The following CHD6 variants were observed in gnomAD, a reference collection of about 807,000 sequenced individuals.
CHD6 encodes chromodomain helicase DNA binding protein 6.
A neutral mutation model predicts 276.9 loss-of-function variants in CHD6; 50 were observed. The observed-to-expected ratio is 0.18, with a 90% CI of 0.14 to 0.23. The LOEUF (loss-of-function observed/expected upper bound fraction) is 0.23, where lower values mean the gene tolerates loss of function less well. CHD6 is among the 10% of genes least tolerant of loss of function. The pLI is 1.00. For synonymous variants in CHD6, 1,173 were observed against 1,229.3 expected (o/e 0.95, Z 0.96); for missense variants, 2,564 against 3,365.8 (o/e 0.76, Z 5.89).
At chr20:41,589,896 C>A (rs1039319539) in intron 1 of CHD6, among the ~76,000 whole-genome samples, 1 of 152,126 alleles carries the variant, frequency 6.6e-6, no homozygotes, top group African/African-American at 2.4e-5. Context: ...AAAAAGAGTC[C>A]GCATTGCCAA....
At chr20:41,582,021 C>T (rs2045545845) in intron 1 of CHD6, among the ~76,000 whole-genome samples, 1 of 152,160 alleles carries the variant, frequency 6.6e-6, no homozygotes, top group African/African-American at 2.4e-5. Flanking sequence ...TTTTAAGATA[C>T]ATCACAGTTG....
chr20:41,418,834 C>T (rs1050856990), intron 31 of CHD6, among the ~76,000 whole-genome samples: 1 of 152,194 alleles, frequency 6.6e-6, no homozygotes, highest in Non-Finnish European at 1.5e-5. Flanking sequence ...CTCCCACCCA[C>T]GCGTGCACAT....
chr20:41,512,829 T>G lies in CHD6; in HGVS notation c.852+17A>C, dbSNP rs765340760. 2 of 1,613,656 alleles carry G rather than the reference T, an allele frequency of 1.2e-6. No homozygotes were observed. Among genetic ancestry groups the G allele is most frequent in the African/African-American group, 2.7e-5 (2 of 74,898 alleles). Reference sequence around the variant, plus strand: ...GACTGTCCAGCCAAGGTCAGTAACCTCATGCAAAGGCCATACCTCCGCCTG... The same window carrying G: ...GACTGTCCAGCCAAGGTCAGTAACCGCATGCAAAGGCCATACCTCCGCCTG... On this transcript the variant is annotated intron_variant, in intron 5 of 36. Coordinates refer to ENST00000373233, the MANE Select transcript of CHD6 (RefSeq NM_032221.5).
chr20:41,523,729 A>G (rs190998886), intron 3 of CHD6, among the ~76,000 whole-genome samples: 1 of 151,970 alleles, frequency 6.6e-6, no homozygotes, highest in African/African-American at 2.4e-5. Context: ...CTCTTCAAGC[A>G]TATCTCCAGT....
intron 1 of CHD6, among the ~76,000 whole-genome samples, chr20:41,609,333 G>A (rs944719988): frequency 6.6e-6 from 1 of 152,152 alleles, no homozygotes; most frequent in Admixed American, 6.5e-5. Context: ...GACATCCTTA[G>A]AAGAAAGTCA....
intron 2 of CHD6, among the ~76,000 whole-genome samples, chr20:41,540,589 G>A (rs1356719421): frequency 1.3e-5 from 2 of 152,194 alleles, no homozygotes; most frequent in Non-Finnish European, 2.9e-5. Context: ...TTTGACTGAG[G>A]TGCAGGACAA....
chr20:41,555,227 G>A lies in CHD6; in HGVS notation c.-23-3867C>T, dbSNP rs1443633842. Among the ~76,000 whole-genome samples the A allele has an allele frequency of 1.5e-4, 20 of 134,392 alleles. 1 individual carries two copies. The East Asian group carries it at 5.9e-3, about 40-fold the overall frequency. The allele number at this position is 134,392 out of a possible 152,430, so 88.2% of individuals were successfully genotyped here. On this transcript the variant is annotated intron_variant, in intron 1 of 36. Transcript: ENST00000373233. ...CCTCCCGGATGGGGCGGCTGGCCGG[G>A]TGGGGGGCTGACCCCCCCACCTCCC...
intron 23 of CHD6, 139 bp downstream of exon 23, chr20:41,450,807 C>A: frequency 1.3e-6 from 1 of 781,610 alleles, no homozygotes; most frequent in South Asian, 1.8e-5. Flanking sequence ...CAGCTTAGAC[C>A]ACAGATAACA....
At chr20:41,437,121 CTG>C in intron 27 of CHD6, 151 bp downstream of exon 27, 1 of 574,024 alleles carries the variant, frequency 1.7e-6, no homozygotes, top group Non-Finnish European at 3.1e-6. Context: ...CAATTGCAGT[CTG>C]TGTATTTTAA....
At chr20:41,509,311 T>C (rs1316715362) in intron 5 of CHD6, among the ~76,000 whole-genome samples, 3 of 152,178 alleles carry the variant, frequency 2.0e-5, no homozygotes, top group Non-Finnish European at 2.9e-5. Flanking sequence ...TTTTAGTTTA[T>C]TGAAACTCTC....
chr20:41,612,313 G>T (rs1024471764), intron 1 of CHD6, among the ~76,000 whole-genome samples: 12 of 152,126 alleles, frequency 7.9e-5, no homozygotes, highest in African/African-American at 2.9e-4. Flanking sequence ...TCTGGAGCTG[G>T]TCATTAATGA....
rs946501731 is a variant in CHD6, at chr20:41,425,298, T to G, written c.4226A>C (p.Asn1409Thr). 5.0e-6 allele frequency: 8 copies of G among 1,614,180 alleles called. No individual in the cohort carries two copies. Among genetic ancestry groups the G allele is most frequent in the Non-Finnish European group, 6.8e-6 (8 of 1,180,044 alleles). Reference sequence around the variant, plus strand: ...TTCAGGCCGGCACAGTTCCTTGCGGTTGCAGCGCTGGTAAACAGTGACCAG... The same window carrying G: ...TTCAGGCCGGCACAGTTCCTTGCGGGTGCAGCGCTGGTAAACAGTGACCAG... ...RRLVTVYQRCNRKELCRPEIL... is the reference protein window; with the variant it reads ...RRLVTVYQRCTRKELCRPEIL... The change falls in exon 29 of 37, where the codon AAC becomes ACC. Residue 1409 changes from asparagine to threonine, a missense_variant. Around this residue, in one of 7 missense-constraint regions of CHD6, gnomAD observed 515 missense variants for 739.5 expected, o/e 0.70. Coordinates refer to ENST00000373233, the MANE Select transcript of CHD6 (RefSeq NM_032221.5).
intron 8 of CHD6, among the ~76,000 whole-genome samples, chr20:41,494,228 CT>C (rs1329682294): frequency 2.6e-5 from 4 of 152,156 alleles, no homozygotes; most frequent in African/African-American, 9.7e-5. Context: ...GAAGGGTTCC[CT>C]TTTCCTTACT....
intron 17 of CHD6, among the ~76,000 whole-genome samples, chr20:41,470,573 T>A (rs2043030810): frequency 6.6e-6 from 1 of 152,188 alleles, no homozygotes. Flanking sequence ...CAATTTCAGT[T>A]TGGACTTCAC....
chr20:41,555,053 G>T (rs1433067977), intron 1 of CHD6, among the ~76,000 whole-genome samples: 10 of 143,556 alleles, frequency 7.0e-5, no homozygotes, highest in East Asian at 2.1e-4. Flanking sequence ...CTGGCCGGGT[G>T]GGGGGCTGAT....
Position 41,405,177 on chromosome 20 carries a change from G to T in CHD6, c.7564C>A (p.Leu2522Met), listed in dbSNP as rs771243102. 1 of 1,614,226 alleles carries T rather than the reference G, an allele frequency of 6.2e-7. No homozygotes were observed. The highest frequency in any genetic ancestry group is 8.5e-7 in the Non-Finnish European group (1 of 1,180,040). The change falls in exon 37 of 37, where the codon CTG becomes ATG. Residue 2522 changes from leucine (L) to methionine (M), a missense_variant. By Grantham distance (15) the Leu-to-Met change is conservative. Transcript: ENST00000373233. ...KSTLSMLPMM[L>M]PGMAAVPQMF... The stretch of plus-strand genomic sequence containing the variant: ...TGGGGCACAGCAGCCATGCCTGGCA[G>T]CATCATGGGCAGCATGCTCAGGGTA...
intron 5 of CHD6, among the ~76,000 whole-genome samples, chr20:41,510,083 C>T (rs1471476565): frequency 6.6e-6 from 1 of 152,228 alleles, no homozygotes; most frequent in Admixed American, 6.5e-5. Flanking sequence ...ACTCCATCCC[C>T]TTCTCTGCCC....
chr20:41,497,625 C>G, intron 7 of CHD6, 124 bp from the exon 8 acceptor site: 1 of 756,370 alleles, frequency 1.3e-6, no homozygotes, highest in South Asian at 1.5e-5. Flanking sequence ...TGTGAAACTG[C>G]TGGAGATTGG....
intron 25 of CHD6, among the ~76,000 whole-genome samples, chr20:41,442,134 T>G (rs2047920800): frequency 6.6e-6 from 1 of 152,128 alleles, no homozygotes. Flanking sequence ...AGGCTATGTC[T>G]GGAGTGGACT....
Sources: gnomAD v4.1 joint callset for allele counts (sites outside exome capture counted in the v4.1 genomes callset) on GRCh38, gnomAD v4.1.1 for gene constraint, gnomAD v4.1.1 regional missense constraint, MANE v1.5 for transcripts, NCBI Gene and HGNC (gene_info 2026-07-23, HGNC 2026-07-21) for gene names.